ICE1: variants seen among roughly 807,000 people sequenced by gnomAD.
ICE1 encodes the protein little elongation complex subunit 1.
In ICE1, 64 loss-of-function variants were observed where a neutral mutation model predicts 192.7. The ratio of observed to expected loss-of-function variants is 0.33; its 90% CI spans 0.27 to 0.41. ICE1 has a LOEUF of 0.41. Among genes scored for constraint, ICE1 ranks in the 10% least tolerant of loss-of-function variants. The pLI is 1.00. For missense variants in ICE1, 2,708 were observed against 2,696.0 expected (o/e 1.00, Z -0.10); for synonymous variants, 1,010 against 984.5 (o/e 1.03, Z -0.49).
intron 11 of ICE1, 65 bp from the exon 12 acceptor site, chr5:5,457,262 CTTTCT>C: frequency 3.7e-6 from 5 of 1,350,964 alleles, no homozygotes; most frequent in Non-Finnish European, 5.0e-6. Flanking sequence ...AGGTTTCTTT[CTTTCT>C]TTTTTTTTTT....
chr5:5,437,459 A>G (rs773480751), intron 3 of ICE1: 82 of 199,032 alleles, frequency 4.1e-4, no homozygotes, highest in South Asian at 6.6e-4. Context: ...GCTGAATGTT[A>G]TTTTTGAATC....
At chr5:5,470,918 A>G (rs1739140966) in intron 15 of ICE1, among the ~76,000 whole-genome samples, 1 of 151,154 alleles carries the variant, frequency 6.6e-6, no homozygotes, top group South Asian at 2.1e-4. Flanking sequence ...TTTTTGGAAA[A>G]CATGTACTCA....
At chr5:5,479,775 G>C (rs1739442434) in intron 17 of ICE1, among the ~76,000 whole-genome samples, 1 of 152,040 alleles carries the variant, frequency 6.6e-6, no homozygotes, top group African/African-American at 2.4e-5. Context: ...ATAAAAATGA[G>C]TTATGTCCTT....
In ICE1 at chr5:5,489,132, C is replaced by G. The variant is rs749801514; in HGVS notation, c.6620-17C>G. 4 of 1,608,688 alleles carry G rather than the reference C, an allele frequency of 2.5e-6. No individual in the cohort carries two copies. The highest frequency in any genetic ancestry group is 1.1e-5 in the South Asian group (1 of 90,184). ...GATATTTTCTTGTTTTATGACTGAT[C>G]TGAAATTTCTTTTCAGATATACCAT... On this transcript the variant is annotated splice_polypyrimidine_tract_variant and intron_variant, in intron 18 of 18. Coordinates refer to ENST00000296564, the MANE Select transcript of ICE1 (RefSeq NM_015325.3).
intron 1 of ICE1, among the ~76,000 whole-genome samples, chr5:5,434,777 A>G (rs898942424): frequency 2.0e-5 from 3 of 152,222 alleles, no homozygotes; most frequent in South Asian, 2.1e-4. Context: ...ACTACCACCC[A>G]TAGTATGAAT....
chr5:5,473,835 C>A, intron 16 of ICE1, 87 bp downstream of exon 16: 1 of 972,090 alleles, frequency 1.0e-6, no homozygotes. Context: ...TCATTTTTGT[C>A]GTTTAAGTGT....
chr5:5,453,609 G>C (rs1018776551), intron 10 of ICE1, among the ~76,000 whole-genome samples: 1 of 152,156 alleles, frequency 6.6e-6, no homozygotes, highest in Non-Finnish European at 1.5e-5. Flanking sequence ...TGGCCTGAAA[G>C]TTGTATACAT....
Position 5,436,436 on chromosome 5 carries a change from G to A in ICE1, c.103G>A (p.Glu35Lys). Residue 35 changes from glutamate (E) to lysine (K), a missense_variant, in exon 2 of 19, where the codon GAA (glutamate) becomes AAA (lysine). This residue lies in a region of ICE1 where 2,366 missense variants were observed against 2,276.6 expected (regional missense o/e 1.04). Transcript: ENST00000296564. ...SLQQNLNEYV[E>K]ALITLKQKII... ...CTTTCAGAATTTGAATGAATATGTT[G>A]AAGCATTAATTACCTTGAAACAAAA... 1 of 1,475,804 alleles carries A rather than the reference G, an allele frequency of 6.8e-7. No individual in the cohort carries two copies. The highest frequency in any genetic ancestry group is 1.5e-5 in the South Asian group (1 of 68,848). 91.4% of individuals were successfully genotyped at this position (1,475,804 alleles called of 1,614,324 possible).
chr5:5,482,713 G>A (rs949972461), intron 17 of ICE1, among the ~76,000 whole-genome samples: 5 of 151,966 alleles, frequency 3.3e-5, no homozygotes, highest in Admixed American at 3.3e-4. Flanking sequence ...GTGAAAGTGA[G>A]TGAAGCCTGC....
At chr5:5,456,232 C>T (rs1312281935) in intron 11 of ICE1, among the ~76,000 whole-genome samples, 1 of 152,124 alleles carries the variant, frequency 6.6e-6, no homozygotes, top group Non-Finnish European at 1.5e-5. Context: ...TAAAGTTACT[C>T]TTTTTTTCCT....
chr5:5,463,936 T>A lies in ICE1; in HGVS notation c.4602T>A (p.Ile1534=). The A allele has an allele frequency of 2.5e-6, 4 of 1,613,942 alleles. No homozygotes were observed. Among genetic ancestry groups the A allele is most frequent in the Non-Finnish European group, 3.4e-6 (4 of 1,179,846 alleles). ...QIYDQNFETQ[I]VASDHTYYNS... Reference sequence around the variant, plus strand: ...ATGATCAAAACTTCGAGACTCAGATTGTTGCGTCTGATCACACATATTATA... The same window carrying A: ...ATGATCAAAACTTCGAGACTCAGATAGTTGCGTCTGATCACACATATTATA... The change falls in exon 13 of 19, where the codon ATT becomes ATA. Residue 1534 remains isoleucine (I), a synonymous_variant. Coordinates refer to ENST00000296564, the MANE Select transcript of ICE1 (RefSeq NM_015325.3).
At chr5:5,431,683 C>G (rs1737715702) in intron 1 of ICE1, among the ~76,000 whole-genome samples, 1 of 152,068 alleles carries the variant, frequency 6.6e-6, no homozygotes. Context: ...TTATTTTGCT[C>G]TTGGGATTCT....
chr5:5,425,351 T>G (rs1432025743), intron 1 of ICE1, among the ~76,000 whole-genome samples: 1 of 152,224 alleles, frequency 6.6e-6, no homozygotes, highest in Non-Finnish European at 1.5e-5. Context: ...GTATTTAGGC[T>G]TTGGGGACTT....
At chr5:5,437,485 A>T (rs993835362) in intron 3 of ICE1, 1 of 178,196 alleles carries the variant, frequency 5.6e-6, no homozygotes. Flanking sequence ...GAAGTACAGT[A>T]TGGGAAATTC....
intron 10 of ICE1, among the ~76,000 whole-genome samples, chr5:5,453,530 A>G (rs1738489245): frequency 6.6e-6 from 1 of 152,184 alleles, no homozygotes; most frequent in South Asian, 2.1e-4. Flanking sequence ...AGATTTCACT[A>G]ATATCAGTAA....
chr5:5,479,303 C>T (rs1461790612), intron 17 of ICE1, among the ~76,000 whole-genome samples: 1 of 152,170 alleles, frequency 6.6e-6, no homozygotes, highest in Non-Finnish European at 1.5e-5. Flanking sequence ...AGACACTTCT[C>T]AAAAGAAGAC....
intron 1 of ICE1, among the ~76,000 whole-genome samples, chr5:5,431,884 ACT>A (rs1261466402): frequency 7.0e-6 from 1 of 142,020 alleles, no homozygotes; most frequent in East Asian, 2.1e-4. Context: ...TTTATGTGGA[ACT>A]CTTATTGTTG....
intron 1 of ICE1, among the ~76,000 whole-genome samples, chr5:5,428,334 T>A (rs1442614275): frequency 6.6e-6 from 1 of 152,156 alleles, no homozygotes; most frequent in African/African-American, 2.4e-5. Context: ...TAGGCTTTGA[T>A]TTTAAATAAG....
intron 17 of ICE1, among the ~76,000 whole-genome samples, chr5:5,484,836 G>A (rs370245566): frequency 9.2e-5 from 14 of 152,188 alleles, no homozygotes; most frequent in African/African-American, 3.1e-4. Flanking sequence ...AGTATTGAGA[G>A]AGAATGTGAA....
Sources: gnomAD v4.1 joint callset for allele counts (sites outside exome capture counted in the v4.1 genomes callset) on GRCh38, gnomAD v4.1.1 for gene constraint, gnomAD v4.1.1 regional missense constraint, MANE v1.5 for transcripts, NCBI Gene and HGNC (gene_info 2026-07-23, HGNC 2026-07-21) for gene names.